MECOM: variants seen among roughly 807,000 people sequenced by gnomAD.
The protein encoded by MECOM is MDS1 and EVI1 complex locus, also known as histone-lysine N-methyltransferase MECOM.
MECOM carries 13 observed loss-of-function variants against 116.3 expected under a neutral mutation model. The observed-to-expected ratio is 0.11, with a 90% CI of 0.07 to 0.18. The LOEUF is 0.18. Among genes scored for constraint, MECOM ranks in the 10% least tolerant of loss-of-function variants. MECOM has a pLI of 1.00. For synonymous variants in MECOM, 528 were observed against 535.2 expected, an observed-to-expected ratio of 0.99 and a Z score of 0.19; for missense variants, 1,299 against 1,509.0, an observed-to-expected ratio of 0.86 and a Z score of 2.31.
chr3:169,167,166 C>T (rs1419609754), intron 2 of MECOM, among the ~76,000 whole-genome samples: 6 of 152,240 alleles, frequency 3.9e-5, no homozygotes, highest in East Asian at 3.9e-4. Context: ...TTTGTAGAGA[C>T]GGGGTCTCAC....
In MECOM at chr3:169,131,469, G is replaced by A. The variant is rs775007213; in HGVS notation, c.573C>T (p.Ser191=). ...PGEELLLFMK[S]EDYPHETMAP... Reference sequence around the variant, plus strand: ...CCATAGTTTCATGGGGATAGTCTTCGCTCTTCATGAACAGCAGAAGCTCCT... The same window carrying A: ...CCATAGTTTCATGGGGATAGTCTTCACTCTTCATGAACAGCAGAAGCTCCT... The change falls in exon 4 of 17, where the codon AGC becomes AGT. Residue 191 remains serine, a synonymous_variant. Transcript: ENST00000651503. The A allele has an allele frequency of 4.3e-6, 7 of 1,613,900 alleles. No individual in the cohort carries two copies. Among genetic ancestry groups the A allele is most frequent in the East Asian group, 2.2e-5 (1 of 44,878 alleles).
chr3:169,331,465 G>A (rs1722705847), intron 2 of MECOM, among the ~76,000 whole-genome samples: 2 of 151,982 alleles, frequency 1.3e-5, no homozygotes, highest in African/African-American at 4.8e-5. Flanking sequence ...CCATGAAAAA[G>A]CAATAAAGAG....
intron 2 of MECOM, among the ~76,000 whole-genome samples, chr3:169,230,410 T>C (rs75771628): frequency 0.1 from 15,710 of 152,150 alleles, 909 homozygotes; most frequent in Non-Finnish European, 0.12. Flanking sequence ...AGATACCAGG[T>C]TAAAAGTGGG....
At chr3:169,152,547 T>C (rs1461556131) in intron 2 of MECOM, among the ~76,000 whole-genome samples, 1 of 152,184 alleles carries the variant, frequency 6.6e-6, no homozygotes, top group African/African-American at 2.4e-5. Flanking sequence ...CGAGGAGTAG[T>C]CCAGCACGCT....
intron 7 of MECOM, among the ~76,000 whole-genome samples, chr3:169,117,117 C>T (rs1051461411): frequency 2.0e-5 from 3 of 152,172 alleles, no homozygotes; most frequent in South Asian, 2.1e-4. Context: ...AAATGCATTA[C>T]GTACAAAACA....
In MECOM at chr3:169,472,613, G is replaced by GAAAGGAAAGGAAAGA. The variant is rs1749653469; in HGVS notation, c.38-91090_38-91089insTCTTTCCTTTCCTTT. On this transcript the variant is annotated intron_variant, in intron 1 of 16. Transcript: ENST00000651503. The stretch of plus-strand genomic sequence containing the variant: ...GAAAGGAAAGGAAAGGAAAGGAAAG[G>GAAAGGAAAGGAAAGA]AAAGAAAAGAAAAGAAAAGAAAAGG... Among the ~76,000 whole-genome samples the GAAAGGAAAGGAAAGA allele has an allele frequency of 8.3e-5, 4 of 47,956 alleles. 1 individual carries two copies. The highest frequency in any genetic ancestry group is 5.1e-4 in the Admixed American group (2 of 3,916). The allele number at this position is 47,956 out of a possible 152,430, so 31.5% of individuals were successfully genotyped here. A position where few individuals can be genotyped will look rare whatever the true frequency, so the allele number is the denominator to read the frequency against.
At chr3:169,319,454 A>G (rs1208701908) in intron 2 of MECOM, among the ~76,000 whole-genome samples, 1 of 152,146 alleles carries the variant, frequency 6.6e-6, no homozygotes, top group Non-Finnish European at 1.5e-5. Flanking sequence ...GGATAACATT[A>G]GGAGAAATAC....
intron 10 of MECOM, among the ~76,000 whole-genome samples, chr3:169,106,610 T>C (rs568221578): frequency 3.9e-5 from 6 of 152,308 alleles, no homozygotes; most frequent in Non-Finnish European, 8.8e-5. Flanking sequence ...ACTATGCTGT[T>C]GTATTATAAG....
At chr3:169,619,002 G>C (rs6444868) in intron 1 of MECOM, among the ~76,000 whole-genome samples, 92,957 of 151,122 alleles carry the variant, frequency 0.62, 29,555 homozygotes, top group African/African-American at 0.79. Flanking sequence ...CTGGTAATCT[G>C]TCATCTAAAC....
intron 5 of MECOM, among the ~76,000 whole-genome samples, chr3:169,123,396 A>T (rs1424819493): frequency 6.6e-6 from 1 of 151,716 alleles, no homozygotes; most frequent in Non-Finnish European, 1.5e-5. Context: ...TAATATTTTA[A>T]GTGGATGCAA....
intron 2 of MECOM, among the ~76,000 whole-genome samples, chr3:169,367,967 G>A (rs553418825): frequency 2.3e-4 from 35 of 152,112 alleles, no homozygotes; most frequent in Admixed American, 9.8e-4. Context: ...TTGCTTTACC[G>A]TCCATCAGTG....
intron 2 of MECOM, among the ~76,000 whole-genome samples, chr3:169,298,153 T>C (rs1329424800): frequency 2.0e-5 from 3 of 152,216 alleles, no homozygotes; most frequent in African/African-American, 7.2e-5. Flanking sequence ...AAAATCTCTG[T>C]GTTATAAAAA....
chr3:169,345,228 G>A (rs1428246437), intron 2 of MECOM, among the ~76,000 whole-genome samples: 2 of 152,010 alleles, frequency 1.3e-5, no homozygotes, highest in African/African-American at 4.8e-5. Flanking sequence ...TACCTTCCCA[G>A]CAGCAGTACC....
chr3:169,141,319 G>C (rs1423092688), intron 3 of MECOM, among the ~76,000 whole-genome samples: 1 of 151,972 alleles, frequency 6.6e-6, no homozygotes, highest in Non-Finnish European at 1.5e-5. Context: ...ATAATTTCTT[G>C]TAGAGCGTTC....
intron 1 of MECOM, among the ~76,000 whole-genome samples, chr3:169,510,112 G>A (rs1578303173): frequency 6.6e-6 from 1 of 152,242 alleles, no homozygotes; most frequent in South Asian, 2.1e-4. Context: ...ATGTGTATAT[G>A]CACAAGCTTT....
At chr3:169,141,195 C>T (rs1015355890) in intron 3 of MECOM, among the ~76,000 whole-genome samples, 3 of 152,000 alleles carry the variant, frequency 2.0e-5, no homozygotes, top group Non-Finnish European at 4.4e-5. Flanking sequence ...CAATTGAAAA[C>T]TTCATCTCAA....
In MECOM at chr3:169,563,064, CAAAA is replaced by C. The variant is rs34061227; in HGVS notation, c.37+100268_37+100271del. ...GGGTGACAAGAAAAAAGCTCCATCT[CAAAA>C]AAAAAAAAAAAAAAAATGCTGATAA... On this transcript the variant is annotated intron_variant, in intron 1 of 16. Transcript: ENST00000651503. 8.6e-4 allele frequency among the ~76,000 whole-genome samples: 68 copies of C among 79,446 alleles called. 1 individual carries two copies. In the South Asian group the frequency reaches 0.011, roughly 12 times the overall value. 52.1% of individuals were successfully genotyped at this position (79,446 alleles called of 152,430 possible). A position where few individuals can be genotyped will look rare whatever the true frequency, so the allele number is the denominator to read the frequency against.
At chr3:169,299,528 A>G (rs1247795063) in intron 2 of MECOM, among the ~76,000 whole-genome samples, 1 of 152,192 alleles carries the variant, frequency 6.6e-6, no homozygotes, top group African/African-American at 2.4e-5. Flanking sequence ...TTCCTTCAGC[A>G]AATCACTCAA....
chr3:169,656,152 A>T (rs1775519642), intron 1 of MECOM, among the ~76,000 whole-genome samples: 1 of 152,246 alleles, frequency 6.6e-6, no homozygotes, highest in Non-Finnish European at 1.5e-5. Context: ...AAAAACTGCC[A>T]TGTACAAGCA....
Sources: allele counts gnomAD v4.1 joint callset (sites outside exome capture counted in the v4.1 genomes callset), GRCh38; gene constraint gnomAD v4.1.1; transcripts MANE v1.5; gene names NCBI Gene and HGNC (gene_info 2026-07-23, HGNC 2026-07-21).